Variants in SLC30A9 observed in about 807,000 individuals in gnomAD.
The protein encoded by SLC30A9 is solute carrier family 30 member 9.
Under a neutral mutation model 87.5 loss-of-function variants are expected in SLC30A9, and 58 were observed. That is an observed-to-expected ratio of 0.66 (90% CI 0.54 to 0.82). SLC30A9 has a LOEUF of 0.82. Ranked by LOEUF, SLC30A9 falls within the 40% of genes least tolerant of loss-of-function variation. The probability of loss-of-function intolerance (pLI) is 0.00; values close to 1 mark genes in which losing one functional copy is unlikely to be tolerated. For synonymous variants in SLC30A9, 234 were observed against 233.0 expected (o/e 1.00, Z -0.04); for missense variants, 557 against 679.1 (o/e 0.82, Z 2.00).
At chr4:42,003,644 C>T (rs1241451925) in intron 2 of SLC30A9, among the ~76,000 whole-genome samples, 1 of 152,130 alleles carries the variant, frequency 6.6e-6, no homozygotes, top group Non-Finnish European at 1.5e-5. Context: ...ATGATCATCT[C>T]TGTCTTTTAA....
chr4:42,000,763 T>G (rs761289539), intron 1 of SLC30A9, among the ~76,000 whole-genome samples: 2 of 152,086 alleles, frequency 1.3e-5, no homozygotes, highest in African/African-American at 2.4e-5. Flanking sequence ...ATTAAGCACT[T>G]ACAAAAGTTT....
chr4:42,036,236 G>GA (rs1243229287), intron 7 of SLC30A9, among the ~76,000 whole-genome samples: 1 of 151,796 alleles, frequency 6.6e-6, no homozygotes, highest in East Asian at 1.9e-4. Flanking sequence ...ATATTTTATT[G>GA]AAAAAATAGG....
At chr4:42,058,822 C>G (rs1261273351) in intron 9 of SLC30A9, among the ~76,000 whole-genome samples, 1 of 152,188 alleles carries the variant, frequency 6.6e-6, no homozygotes, top group African/African-American at 2.4e-5. Context: ...TACCTCCCAC[C>G]AGATCCCACA....
rs148828650 is a variant in SLC30A9, at chr4:42,047,102, C to T, written c.738-2275C>T. 9.5e-4 allele frequency among the ~76,000 whole-genome samples: 145 copies of T among 152,208 alleles called. 2 individuals carry two copies. In the East Asian group the frequency reaches 0.019, roughly 20 times the overall value. On this transcript the variant is annotated intron_variant, in intron 8 of 17. Coordinates refer to ENST00000264451, the MANE Select transcript of SLC30A9 (RefSeq NM_006345.4). ...ACTCAAGATGGATTAAAGACTTAAACGTAAGACCTAAAACCATAAAAACCC... is the reference window on the plus strand; with the variant it reads ...ACTCAAGATGGATTAAAGACTTAAATGTAAGACCTAAAACCATAAAAACCC...
At chr4:41,999,844 GT>G (rs796286082) in intron 1 of SLC30A9, among the ~76,000 whole-genome samples, 16 of 151,236 alleles carry the variant, frequency 1.1e-4, no homozygotes, top group African/African-American at 3.4e-4. Flanking sequence ...TGATATTAAG[GT>G]TTTTTTTTAA....
chr4:42,035,246 G>A (rs1716629568), intron 6 of SLC30A9, 29 bp from the exon 7 acceptor site: 1 of 1,573,060 alleles, frequency 6.4e-7, no homozygotes. Flanking sequence ...GAATATCTAT[G>A]ACCTAAATTT....
intron 17 of SLC30A9, among the ~76,000 whole-genome samples, chr4:42,082,116 CTG>C (rs1340008532): frequency 1.3e-5 from 2 of 151,764 alleles, no homozygotes; most frequent in Non-Finnish European, 2.9e-5. Flanking sequence ...ACTCCGGAGG[CTG>C]AGGCAGGAGA....
At chr4:42,060,164 T>C in intron 9 of SLC30A9, 27 bp from the exon 10 acceptor site, 1 of 1,580,414 alleles carries the variant, frequency 6.3e-7, no homozygotes, top group Non-Finnish European at 8.7e-7. Flanking sequence ...CTAATGATTA[T>C]TCACCTTTTT....
At chr4:42,070,224 T>G in intron 14 of SLC30A9, 1 of 226,946 alleles carries the variant, frequency 4.4e-6, no homozygotes, top group Non-Finnish European at 8.6e-6. Context: ...GGACTCTTCA[T>G]TATGTCATTT....
At chr4:42,019,506 T>A (rs969619042) in intron 3 of SLC30A9, among the ~76,000 whole-genome samples, 2 of 152,176 alleles carry the variant, frequency 1.3e-5, no homozygotes, top group Non-Finnish European at 2.9e-5. Context: ...TAATAATTTT[T>A]TTTGTAATTT....
chr4:42,021,545 G>C (rs146883262), intron 4 of SLC30A9, among the ~76,000 whole-genome samples: 1 of 152,234 alleles, frequency 6.6e-6, no homozygotes, highest in East Asian at 1.9e-4. Context: ...GTGACTTGAT[G>C]AATATATAAG....
chr4:42,012,014 A>C (rs1038896370), intron 2 of SLC30A9, among the ~76,000 whole-genome samples: 1 of 145,942 alleles, frequency 6.9e-6, no homozygotes, highest in Admixed American at 7.2e-5. Flanking sequence ...TCTAGCCTAC[A>C]TTTAATAGGT....
intron 12 of SLC30A9, 104 bp downstream of exon 12, chr4:42,065,453 T>TAGGCCG: frequency 1.4e-6 from 1 of 719,704 alleles, no homozygotes. Flanking sequence ...GAAAAGCAAG[T>TAGGCCG]GTGGGAATAG....
chr4:42,044,456 T>C (rs940726988), intron 8 of SLC30A9, among the ~76,000 whole-genome samples: 1 of 141,358 alleles, frequency 7.1e-6, no homozygotes, highest in African/African-American at 2.7e-5. Flanking sequence ...CCGACAAAGA[T>C]CAAAAAAGAC....
chr4:42,079,877 A>G (rs1184339559), intron 17 of SLC30A9, among the ~76,000 whole-genome samples: 1 of 152,144 alleles, frequency 6.6e-6, no homozygotes, highest in African/African-American at 2.4e-5. Flanking sequence ...CAGCCTCCCA[A>G]AGTGCTGGGA....
At chr4:42,037,239 C>CTTTTTTTTTTT (rs536795831) in intron 7 of SLC30A9, among the ~76,000 whole-genome samples, 8 of 91,218 alleles carry the variant, frequency 8.8e-5, no homozygotes, top group Admixed American at 3.2e-4. Flanking sequence ...TAAATGCCTT[C>CTTTTTTTTTTT]TTTTTTTTTT....
chr4:42,035,321 G>A lies in SLC30A9; in HGVS notation c.657G>A (p.Leu219=). Residue 219 remains leucine, a synonymous_variant, in exon 7 of 18, where the codon TTG becomes TTA. Coordinates refer to ENST00000264451, the MANE Select transcript of SLC30A9 (RefSeq NM_006345.4). ...TATTAAGAGAATACAGAGATTTCTT[G>A]GGAAATACCAAGGTATGGATATCTT... The part of the protein sequence containing the change: ...QKILREYRDF[L]GNTKPRSRTA... 1.2e-6 allele frequency: 2 copies of A among 1,602,482 alleles called. No homozygotes were observed. Among genetic ancestry groups the A allele is most frequent in the Non-Finnish European group, 8.5e-7 (1 of 1,172,056 alleles).
In SLC30A9 at chr4:42,020,507, C is replaced by G; in HGVS notation, c.426C>G (p.Leu142=). The G allele has an allele frequency of 6.4e-7, 1 of 1,572,608 alleles. No individual in the cohort carries two copies. The highest frequency in any genetic ancestry group is 8.7e-7 in the Non-Finnish European group (1 of 1,147,578). The part of the protein sequence containing the change: ...TGVRAINEFC[L]KSSDLEQLRK... ...TCAGAGCGATAAATGAGTTCTGCCT[C>G]AAATCCAGGTAATTTTTTTAAAAAA... The change falls in exon 4 of 18, where the codon CTC becomes CTG. Residue 142 remains leucine (L), a synonymous_variant. Transcript: ENST00000264451.
At position 42,088,440 on chromosome 4, in the gene SLC30A9, T is replaced by TA. The variant is rs1490148480; in HGVS notation, c.*2315dup. The TA allele has an allele frequency of 6.6e-6, 1 of 152,270 alleles. No individual in the cohort carries two copies. The highest frequency in any genetic ancestry group is 1.9e-4 in the East Asian group (1 of 5,184). 9.4% of individuals were successfully genotyped at this position (152,270 alleles called of 1,614,324 possible). A position where few individuals can be genotyped will look rare whatever the true frequency, so the allele number is the denominator to read the frequency against. On this transcript the variant is annotated 3_prime_UTR_variant, in exon 18 of 18. Coordinates refer to ENST00000264451, the MANE Select transcript of SLC30A9 (RefSeq NM_006345.4). The stretch of plus-strand genomic sequence containing the variant: ...CTGTGTTAGTCCATTCTCACACTGC[T>TA]ATAAAGAAATACCTGAGACTGAGTA...
Sources: allele counts gnomAD v4.1 joint callset (sites outside exome capture counted in the v4.1 genomes callset), GRCh38; gene constraint gnomAD v4.1.1; transcripts MANE v1.5; gene names NCBI Gene and HGNC (gene_info 2026-07-23, HGNC 2026-07-21).